The following TTN variants were observed in gnomAD, a reference collection of about 807,000 sequenced individuals.
TTN encodes the protein connectin.
Under a neutral mutation model 3,223.0 loss-of-function variants are expected in TTN, and 1,525 were observed. The observed-to-expected ratio is 0.47, with a 90% CI of 0.45 to 0.49. TTN has a LOEUF of 0.49. TTN is among the 20% of genes least tolerant of loss of function. TTN has a pLI of 0.00. For synonymous variants in TTN, 14,094 were observed against 15,161.0 expected (o/e 0.93, Z 5.17); for missense variants, 40,786 against 43,424.0 (o/e 0.94, Z 5.40).
Position 178,560,045 on chromosome 2 carries a change from G to T in TTN, c.86087C>A (p.Thr28696Asn). The T allele has an allele frequency of 6.2e-7, 1 of 1,613,700 alleles. No individual in the cohort carries two copies. Among genetic ancestry groups the T allele is most frequent in the South Asian group, 1.1e-5 (1 of 91,082 alleles). Residue 28696 changes from threonine (T) to asparagine (N), a missense_variant, in exon 326 of 363, where the codon ACT (threonine) becomes AAT (asparagine). Transcript: ENST00000589042. ...YTVEYKKSDD[T>N]DWKTSIQSLR... ...GCTCTGAATGGAAGTTTTCCAGTCA[G>T]TGTCATCAGATTTTTTGTATTCTAC...
At position 178,570,105 on chromosome 2, in the gene TTN, T is replaced by C. The variant is rs727504596; in HGVS notation, c.76027A>G (p.Lys25343Glu). The C allele has an allele frequency of 4.3e-6, 7 of 1,613,448 alleles. No individual in the cohort carries two copies. Among genetic ancestry groups the C allele is most frequent in the Non-Finnish European group, 5.1e-6 (6 of 1,179,586 alleles). ...GSEILGYVLE[K>E]RDKEGIRWTR... ...CATCTAATGCCTTCTTTATCCCGTT[T>C]CTCAAGAACATATCCAAGAATTTCA... The change falls in exon 326 of 363, where the codon AAA becomes GAA. Residue 25343 changes from lysine to glutamate, a missense_variant. By Grantham distance (56) the Lys-to-Glu change is moderately conservative. Transcript: ENST00000589042.
Position 178,636,021 on chromosome 2 carries a change from G to A in TTN, c.41550C>T (p.Tyr13850=). 6.2e-7 allele frequency: 1 copy of A among 1,613,002 alleles called. No homozygotes were observed. The highest frequency in any genetic ancestry group is 8.5e-7 in the Non-Finnish European group (1 of 1,179,324). The change falls in exon 226 of 363, where the codon TAC becomes TAT. Residue 13850 remains tyrosine, a synonymous_variant. Coordinates refer to ENST00000589042, the MANE Select transcript of TTN (RefSeq NM_001267550.2). This position sits in a 1 kb window ranked among gnomAD's most constrained non-coding sequence, Gnocchi z 4.3. ...NDADDTDAGT[Y]TVTVENANNL... ...TGTTGGCGTTTTCCACAGTAACTGT[G>A]TATGTTCCAGCATCTGTGTCATCTG...
rs374151130 is a variant in TTN, at chr2:178,600,995, G to T, written c.55909C>A (p.Arg18637Ser). ...GTAAATTGCAGTTCTTCCACATCAC[G>T]CTTATTGCACTGCCTCCAGGCTTCT... ...KKEAWRQCNK[R>S]DVEELQFTVE... Residue 18637 changes from arginine to serine, a missense_variant, in exon 288 of 363, where the codon CGT becomes AGT. Coordinates refer to ENST00000589042, the MANE Select transcript of TTN (RefSeq NM_001267550.2). 1.5e-5 allele frequency: 24 copies of T among 1,612,858 alleles called. No homozygotes were observed. Among genetic ancestry groups the T allele is most frequent in the Non-Finnish European group, 2.0e-5 (24 of 1,179,350 alleles).
At position 178,589,678 on chromosome 2, in the gene TTN, T is replaced by G; in HGVS notation, c.62047A>C (p.Thr20683Pro). The G allele has an allele frequency of 6.2e-7, 1 of 1,613,526 alleles. No individual in the cohort carries two copies. Among genetic ancestry groups the G allele is most frequent in the Non-Finnish European group, 8.5e-7 (1 of 1,179,608 alleles). The change falls in exon 304 of 363, where the codon ACA becomes CCA. Residue 20683 changes from threonine (T) to proline (P), a missense_variant. Transcript: ENST00000589042. ...ENLHIADKGK[T>P]FVYLKWRRPD... is the part of the protein sequence containing the mutation. ...CTCCGCCACTTTAGATAGACAAATG[T>G]CTTTCCTTTATCTGCAATGTGAAGG... is the stretch of plus-strand genomic sequence containing the variant.
rs1255454901 is a variant in TTN at position 178,667,629 on chromosome 2, G to A, written c.35629+9C>T. 4 of 1,593,392 alleles carry A rather than the reference G, an allele frequency of 2.5e-6. No homozygotes were observed. The highest frequency in any genetic ancestry group is 3.4e-6 in the Non-Finnish European group (4 of 1,176,672). ...TTTTTCTTCAGAGTGGATCATTGGT[G>A]TTATATACCTTTTGCTAGTTTGGGT... On this transcript the variant is annotated intron_variant, in intron 160 of 362. Coordinates refer to ENST00000589042, the MANE Select transcript of TTN (RefSeq NM_001267550.2).
chr2:178,664,357 A>G (rs990658497), intron 168 of TTN, 103 bp downstream of exon 168: 2 of 932,424 alleles, frequency 2.1e-6, no homozygotes, highest in Non-Finnish European at 3.3e-6. Context: ...CAACACAGAC[A>G]TGATTCACAT....
Position 178,589,437 on chromosome 2 carries a change from T to G in TTN, c.62288A>C (p.Lys20763Thr). Residue 20763 changes from lysine to threonine, a missense_variant, in exon 304 of 363, where the codon AAA becomes ACA. Lys to Thr is a moderately conservative substitution (Grantham distance 78). Coordinates refer to ENST00000589042, the MANE Select transcript of TTN (RefSeq NM_001267550.2). ...AAGTACTGGTTTTTGTAAGTCTTCTTTCACAACAACTTCCTCTGTCTTCAC... is the reference window on the plus strand; with the variant it reads ...AAGTACTGGTTTTTGTAAGTCTTCTGTCACAACAACTTCCTCTGTCTTCAC... ...DWVKTEEVVV[K>T]EDLQKPVLDL... The G allele has an allele frequency of 6.2e-7, 1 of 1,613,398 alleles. No homozygotes were observed.
chr2:178,670,200 A>G lies in TTN; in HGVS notation c.35386+18T>C. ...AAAAAGGATTTTATATTAATGATGA[A>G]TGAGAAAAGCCAGTTACCTTTAGTT... On this transcript the variant is annotated intron_variant, in intron 157 of 362. Transcript: ENST00000589042. 7.0e-7 allele frequency: 1 copy of G among 1,420,760 alleles called. No individual in the cohort carries two copies. The highest frequency in any genetic ancestry group is 9.2e-7 in the Non-Finnish European group (1 of 1,085,716). 88.0% of individuals were successfully genotyped at this position (1,420,760 alleles called of 1,614,324 possible).
rs1310463317 is a variant in TTN at position 178,535,376 on chromosome 2, A to G, written c.101239T>C (p.Tyr33747His). The G allele has an allele frequency of 6.2e-7, 1 of 1,613,910 alleles. No individual in the cohort carries two copies. The highest frequency in any genetic ancestry group is 1.1e-5 in the South Asian group (1 of 91,082). ...TTTCCAAATAAGTTGATCACGGTAT[A>G]ACGTGTTTCTCGGGCCTGTCCTACA... ...LRVGQARETR[Y>H]TVINLFGKTS... is the part of the protein sequence containing the mutation. Residue 33747 changes from tyrosine (Y) to histidine (H), a missense_variant, in exon 358 of 363, where the codon TAT becomes CAT. Coordinates refer to ENST00000589042, the MANE Select transcript of TTN (RefSeq NM_001267550.2).
At chr2:178,745,330 G>A (rs1322376405) in intron 47 of TTN, 5 of 1,330,146 alleles carry the variant, frequency 3.8e-6, no homozygotes, top group Non-Finnish European at 4.8e-6. Context: ...AGGTAGCCAA[G>A]GAGAGATTTA....
chr2:178,685,897 A>T (rs886663081), intron 127 of TTN, among the ~76,000 whole-genome samples: 12 of 152,176 alleles, frequency 7.9e-5, no homozygotes, highest in African/African-American at 2.9e-4. Flanking sequence ...CGATTATAAT[A>T]GCTGAGTTAA....
intron 22 of TTN, chr2:178,779,721 T>A (rs2092594622): frequency 1.9e-6 from 1 of 533,382 alleles, no homozygotes; most frequent in South Asian, 2.3e-5. Context: ...GATGAAGAGA[T>A]CTTGGCATGA....
chr2:178,546,626 C>T lies in TTN; in HGVS notation c.94802G>A (p.Gly31601Asp), dbSNP rs1411032573. 1 of 1,612,146 alleles carries T rather than the reference C, an allele frequency of 6.2e-7. No individual in the cohort carries two copies. The highest frequency in any genetic ancestry group is 1.1e-5 in the South Asian group (1 of 91,010). Residue 31601 changes from glycine (G) to aspartate (D), a missense_variant, in exon 341 of 363, where the codon GGC becomes GAC. Coordinates refer to ENST00000589042, the MANE Select transcript of TTN (RefSeq NM_001267550.2). ...GVISKGSEST[G>D]PVTCRDEYAP... ...GTATTCATCTCGGCAAGTGACAGGGCCTGTAGATTCAGACCCTTTGCTAAT... is the reference window on the plus strand; with the variant it reads ...GTATTCATCTCGGCAAGTGACAGGGTCTGTAGATTCAGACCCTTTGCTAAT...
chr2:178,651,614 T>C, intron 206 of TTN, 52 bp downstream of exon 206: 2 of 1,612,118 alleles, frequency 1.2e-6, no homozygotes, highest in East Asian at 2.2e-5. Flanking sequence ...CAGTAGAATA[T>C]GACACTTCAA....
Position 178,722,284 on chromosome 2 carries a change from A to C in TTN, c.22503T>G (p.Ser7501=), listed in dbSNP as rs543055320. ...CTCTTGCTGTGAGTCTAGCACTAGA[A>C]GATGCTGTTCCAAGTGGGTTGGAAG... is the stretch of plus-strand genomic sequence containing the variant. ...CSASNPLGTA[S]SSARLTAREP... The change falls in exon 77 of 363, where the codon TCT becomes TCG. Residue 7501 remains serine, a synonymous_variant. Transcript: ENST00000589042. The C allele has an allele frequency of 1.2e-6, 2 of 1,602,404 alleles. No individual in the cohort carries two copies. The highest frequency in any genetic ancestry group is 1.7e-6 in the Non-Finnish European group (2 of 1,174,212).
Position 178,555,126 on chromosome 2 carries a change from C to G in TTN, c.88333G>C (p.Glu29445Gln). 6.2e-7 allele frequency: 1 copy of G among 1,611,048 alleles called. No homozygotes were observed. Among genetic ancestry groups the G allele is most frequent in the Non-Finnish European group, 8.5e-7 (1 of 1,179,258 alleles). Residue 29445 changes from glutamate to glutamine, a missense_variant, in exon 331 of 363, where the codon GAA becomes CAA. By Grantham distance (29) the Glu-to-Gln change is conservative. Transcript: ENST00000589042. ...YGGPVIDLPL[E>Q]YTEVVKYRAG... ...CTGTATTTGACAACTTCTGTATATTCTAGAGGCAAATCAATTACAGGACCA... is the reference window on the plus strand; with the variant it reads ...CTGTATTTGACAACTTCTGTATATTGTAGAGGCAAATCAATTACAGGACCA...
Position 178,543,395 on chromosome 2 carries a change from G to A in TTN, c.96578C>T (p.Thr32193Ile). The change falls in exon 347 of 363, where the codon ACA becomes ATA. Residue 32193 changes from threonine to isoleucine, a missense_variant. Thr to Ile is a moderately conservative substitution (Grantham distance 89). Coordinates refer to ENST00000589042, the MANE Select transcript of TTN (RefSeq NM_001267550.2). ...TTCTGAGACCAGTACTGCATCAGATGTTTCACAAGGTTCTCCAATGCCATA... is the reference window on the plus strand; with the variant it reads ...TTCTGAGACCAGTACTGCATCAGATATTTCACAAGGTTCTCCAATGCCATA... ...NIYGIGEPCE[T>I]SDAVLVSEVP... The A allele has an allele frequency of 1.2e-6, 2 of 1,613,892 alleles. No homozygotes were observed. Among genetic ancestry groups the A allele is most frequent in the Non-Finnish European group, 1.7e-6 (2 of 1,179,824 alleles).
chr2:178,738,175 G>A lies in TTN; in HGVS notation c.14278C>T (p.Leu4760=). ...SSKYISSLEI[L]RTQVVDCGEY... is the part of the protein sequence containing the mutation. ...CCGCAGTCAACCACCTGGGTTCTCA[G>A]GATTTCAAGGCTGGAGATATACTTT... Residue 4760 remains leucine, a synonymous_variant, in exon 49 of 363, where the codon CTG becomes TTG. Coordinates refer to ENST00000589042, the MANE Select transcript of TTN (RefSeq NM_001267550.2). The A allele has an allele frequency of 6.2e-7, 1 of 1,613,720 alleles. No homozygotes were observed. Among genetic ancestry groups the A allele is most frequent in the Non-Finnish European group, 8.5e-7 (1 of 1,179,770 alleles).
Position 178,632,651 on chromosome 2 carries a change from C to T in TTN, c.43355G>A (p.Arg14452Lys). The change falls in exon 235 of 363, where the codon AGA (arginine) becomes AAA (lysine). Residue 14452 changes from arginine (R) to lysine (K), a missense_variant. Transcript: ENST00000589042. ...KGTQEITGDD[R>K]FELIKDGTKH... The stretch of plus-strand genomic sequence containing the variant: ...AGTGCCATCCTTTATAAGCTCAAAT[C>T]TGTCATCACCTGTGATTTCCTGGGT... 6.2e-7 allele frequency: 1 copy of T among 1,613,476 alleles called. No homozygotes were observed. The highest frequency in any genetic ancestry group is 8.5e-7 in the Non-Finnish European group (1 of 1,179,564).
Sources: allele counts gnomAD v4.1 joint callset (sites outside exome capture counted in the v4.1 genomes callset), GRCh38; gene constraint gnomAD v4.1.1; non-coding constraint Gnocchi (gnomAD v3.1); transcripts MANE v1.5; gene names NCBI Gene and HGNC (gene_info 2026-07-23, HGNC 2026-07-21).